Variants in MIPOL1 observed in about 807,000 individuals in gnomAD.
MIPOL1 encodes mirror-image polydactyly 1, also known as mirror-image polydactyly gene 1 protein.
In MIPOL1, 57 loss-of-function variants were observed where a neutral mutation model predicts 60.9. The observed-to-expected ratio is 0.94, with a 90% CI of 0.76 to 1.17. MIPOL1 has a LOEUF of 1.17. MIPOL1 is among the 50% of genes most tolerant of loss of function. MIPOL1 has a pLI of 0.00. For missense variants in MIPOL1, 551 were observed against 511.6 expected (o/e 1.08, Z -0.74); for synonymous variants, 179 against 168.8 (o/e 1.06, Z -0.47).
At chr14:37,304,879 ATAATT>A (rs1383928857) in intron 7 of MIPOL1, among the ~76,000 whole-genome samples, 6 of 151,844 alleles carry the variant, frequency 4.0e-5, no homozygotes, top group African/African-American at 1.4e-4. Context: ...TGTTGTAGGC[ATAATT>A]TAAAGTTTAC....
chr14:37,276,390 C>CGT, intron 6 of MIPOL1: 1 of 150,986 alleles, frequency 6.6e-6, no homozygotes, highest in Non-Finnish European at 1.5e-5. Flanking sequence ...CTGAAACTTA[C>CGT]AACTTAAGTT....
chr14:37,343,057 G>T (rs956719525), intron 9 of MIPOL1, among the ~76,000 whole-genome samples: 150 of 150,490 alleles, frequency 1.0e-3, no homozygotes, highest in African/African-American at 3.5e-3. Context: ...TGCCTGGTGG[G>T]TGCTGATATG....
chr14:37,496,892 C>T (rs1380794496), intron 11 of MIPOL1, among the ~76,000 whole-genome samples: 1 of 151,626 alleles, frequency 6.6e-6, no homozygotes, highest in African/African-American at 2.4e-5. Context: ...CACTACCTGA[C>T]TTCAAACTAT....
At chr14:37,537,412 A>AT (rs2095511119) in intron 12 of MIPOL1, among the ~76,000 whole-genome samples, 1 of 151,620 alleles carries the variant, frequency 6.6e-6, no homozygotes, top group East Asian at 1.9e-4. Flanking sequence ...TTTTTTTTGC[A>AT]TTTTCTGTAG....
intron 12 of MIPOL1, among the ~76,000 whole-genome samples, chr14:37,520,211 T>C (rs1462974829): frequency 1.3e-5 from 2 of 152,158 alleles, no homozygotes; most frequent in Non-Finnish European, 2.9e-5. Context: ...ATATTATCTC[T>C]ACTAGTCTCC....
intron 6 of MIPOL1, chr14:37,277,435 A>G (rs2083754325): frequency 6.6e-6 from 1 of 151,300 alleles, no homozygotes. Flanking sequence ...TTTCTCTTTC[A>G]CATTGGAAAA....
intron 8 of MIPOL1, 62 bp downstream of exon 8, chr14:37,308,151 A>T: frequency 6.7e-7 from 1 of 1,482,550 alleles, no homozygotes; most frequent in South Asian, 1.2e-5. Context: ...CTTAAGTTCA[A>T]TTGAGTGGGT....
Position 37,347,347 on chromosome 14 carries a change from T to C in MIPOL1, c.829-22170T>C, listed in dbSNP as rs538814884. ...AAGAAGAAAGAAATGAAAACTATAA[T>C]CACTGAAATTAAAAAATATGTGAAT... is the stretch of plus-strand genomic sequence containing the variant. On this transcript the variant is annotated intron_variant, in intron 9 of 12. Transcript: ENST00000684589. Among the ~76,000 whole-genome samples the C allele has an allele frequency of 1.3e-4, 20 of 152,044 alleles. No individual in the cohort carries two copies. In the East Asian group the frequency reaches 3.9e-3, roughly 29 times the overall value.
At chr14:37,276,882 ATATTGATAGAC>A (rs1347345198) in intron 6 of MIPOL1, 2 of 151,298 alleles carry the variant, frequency 1.3e-5, no homozygotes, top group Non-Finnish European at 3.0e-5. Context: ...GCAGGTAGAA[ATATTGATAGAC>A]TATTGATTAT....
At chr14:37,415,989 T>C (rs1834339520) in intron 10 of MIPOL1, among the ~76,000 whole-genome samples, 2 of 152,128 alleles carry the variant, frequency 1.3e-5, no homozygotes, top group Admixed American at 6.6e-5. Context: ...AGAATCTAAG[T>C]AGTTGATAAT....
chr14:37,215,040 C>T (rs530802906), intron 1 of MIPOL1, among the ~76,000 whole-genome samples: 2 of 152,232 alleles, frequency 1.3e-5, no homozygotes, highest in African/African-American at 4.8e-5. Context: ...ATGTTCCATC[C>T]TGTACACCTG....
chr14:37,303,110 T>A (rs1406479554), intron 7 of MIPOL1, among the ~76,000 whole-genome samples: 1 of 151,928 alleles, frequency 6.6e-6, no homozygotes. Flanking sequence ...TTTTATGCTT[T>A]AAAAAAATCA....
chr14:37,410,404 A>G (rs891560004), intron 10 of MIPOL1, among the ~76,000 whole-genome samples: 1 of 152,172 alleles, frequency 6.6e-6, no homozygotes, highest in Non-Finnish European at 1.5e-5. Context: ...TTAAAATTAC[A>G]TACCCAACAT....
At chr14:37,520,375 T>C (rs754997472) in intron 12 of MIPOL1, among the ~76,000 whole-genome samples, 1 of 152,180 alleles carries the variant, frequency 6.6e-6, no homozygotes, top group Non-Finnish European at 1.5e-5. Context: ...ATCCTACATT[T>C]TAAAGTTTAG....
intron 1 of MIPOL1, among the ~76,000 whole-genome samples, chr14:37,224,042 A>G (rs943488370): frequency 1.3e-5 from 2 of 152,346 alleles, no homozygotes; most frequent in Non-Finnish European, 1.5e-5. Context: ...AGTTCCCTAA[A>G]GCAGGAAAAA....
At chr14:37,213,494 A>G (rs927883951) in intron 1 of MIPOL1, among the ~76,000 whole-genome samples, 7 of 152,218 alleles carry the variant, frequency 4.6e-5, no homozygotes, top group Admixed American at 4.6e-4. Context: ...GATCTTGAAG[A>G]CAGGATATTT....
chr14:37,207,203 G>A (rs939234586), intron 1 of MIPOL1, among the ~76,000 whole-genome samples: 1 of 152,150 alleles, frequency 6.6e-6, no homozygotes, highest in African/African-American at 2.4e-5. Flanking sequence ...AATCATGGGG[G>A]CAGTTCCCCC....
In MIPOL1 at chr14:37,533,016, G is replaced by A. The variant is rs551286568; in HGVS notation, c.1263-13889G>A. ...GATAAATGAAAATATATGCATATGT[G>A]TTATAGGCTTTATAACATTTTCTAT... On this transcript the variant is annotated intron_variant, in intron 12 of 12. Transcript: ENST00000684589. Among the ~76,000 whole-genome samples, 484 of 152,104 alleles carry A rather than the reference G, an allele frequency of 3.2e-3. 3 individuals carry two copies. The highest frequency in any genetic ancestry group is 0.01 in the Middle Eastern group (3 of 294).
intron 10 of MIPOL1, among the ~76,000 whole-genome samples, chr14:37,395,563 A>G (rs1005636444): frequency 6.6e-5 from 10 of 151,934 alleles, no homozygotes; most frequent in Non-Finnish European, 1.2e-4. Flanking sequence ...CTGCTTGGTC[A>G]CTGTTGGTTT....
Sources: gnomAD v4.1 joint callset for allele counts (sites outside exome capture counted in the v4.1 genomes callset) on GRCh38, gnomAD v4.1.1 for gene constraint, MANE v1.5 for transcripts, NCBI Gene and HGNC (gene_info 2026-07-23, HGNC 2026-07-21) for gene names.